The following TJP2 variants were observed in gnomAD, a reference collection of about 807,000 sequenced individuals.
The protein encoded by TJP2 is tight junction protein 2.
Under a neutral mutation model 133.1 loss-of-function variants are expected in TJP2, and 91 were observed. The ratio of observed to expected loss-of-function variants is 0.68; its 90% CI spans 0.58 to 0.81. The LOEUF (loss-of-function observed/expected upper bound fraction) is 0.81, where lower values mean the gene tolerates loss of function less well. TJP2 is among the 40% of genes least tolerant of loss of function. The pLI is 0.00. For synonymous variants in TJP2, 592 were observed against 583.4 expected (o/e 1.01, Z -0.21); for missense variants, 1,541 against 1,565.6 (o/e 0.98, Z 0.26).
At chr9:69,188,407 G>A (rs1156723156) in intron 1 of TJP2, among the ~76,000 whole-genome samples, 1 of 152,108 alleles carries the variant, frequency 6.6e-6, no homozygotes, top group Non-Finnish European at 1.5e-5. Context: ...ACAGGGAGGG[G>A]ATTTGAGCCA....
intron 2 of TJP2, among the ~76,000 whole-genome samples, chr9:69,163,719 C>T (rs1027113536): frequency 2.0e-5 from 3 of 152,096 alleles, no homozygotes; most frequent in Admixed American, 6.5e-5. Context: ...GCCATCCATC[C>T]ACCTCAGCCC....
chr9:69,207,648 G>T (rs995363718), intron 1 of TJP2, among the ~76,000 whole-genome samples: 1 of 152,220 alleles, frequency 6.6e-6, no homozygotes, highest in Non-Finnish European at 1.5e-5. Context: ...GGGCCTGCCT[G>T]TAAAGCTCCC....
At position 69,225,385 on chromosome 9, in the gene TJP2, A is replaced by C; in HGVS notation, c.1034A>C (p.His345Pro). 6.2e-7 allele frequency: 1 copy of C among 1,613,546 alleles called. No individual in the cohort carries two copies. The highest frequency in any genetic ancestry group is 8.5e-7 in the Non-Finnish European group (1 of 1,179,620). Reference sequence around the variant, plus strand: ...CTGGCAACTAAAGATGGCAACCTTCACGAAGGAGACATAATTCTCAAGGTG... The same window carrying C: ...CTGGCAACTAAAGATGGCAACCTTCCCGAAGGAGACATAATTCTCAAGGTG... ...TGLATKDGNL[H>P]EGDIILKING... is the part of the protein sequence containing the mutation. Residue 345 changes from histidine (H) to proline (P), a missense_variant, in exon 6 of 23, where the codon CAC becomes CCC. Transcript: ENST00000377245.
intron 4 of TJP2, among the ~76,000 whole-genome samples, chr9:69,219,518 A>G (rs1402460877): frequency 6.6e-6 from 1 of 152,180 alleles, no homozygotes; most frequent in Non-Finnish European, 1.5e-5. Flanking sequence ...ATTCATCTAT[A>G]TAATACTATT....
At chr9:69,155,291 A>G (rs946554639) in intron 2 of TJP2, among the ~76,000 whole-genome samples, 1 of 151,872 alleles carries the variant, frequency 6.6e-6, no homozygotes, top group African/African-American at 2.4e-5. Context: ...TGAAAGCTCG[A>G]AACTTTTACT....
In TJP2 at chr9:69,251,060, C is replaced by G. The variant is rs1831293578; in HGVS notation, c.3017C>G (p.Ser1006Cys). 1.2e-6 allele frequency: 2 copies of G among 1,614,060 alleles called. No homozygotes were observed. Among genetic ancestry groups the G allele is most frequent in the Admixed American group, 1.7e-5 (1 of 60,006 alleles). The change falls in exon 21 of 23, where the codon TCC (serine) becomes TGC (cysteine). Residue 1006 changes from serine to cysteine, a missense_variant. Transcript: ENST00000377245. ...GCCAAAACCCAGAACAAAGAAGAAT[C>G]CTATGACTTCTCCAAATCCTATGAA... ...PKAKTQNKEE[S>C]YDFSKSYEYK...
chr9:69,182,913 C>T (rs556024126), intron 1 of TJP2, among the ~76,000 whole-genome samples: 1 of 151,592 alleles, frequency 6.6e-6, no homozygotes, highest in East Asian at 1.9e-4. Context: ...CTCAGCCTCC[C>T]GAGTAGTTGG....
intron 16 of TJP2, among the ~76,000 whole-genome samples, chr9:69,239,367 A>G (rs1830430541): frequency 6.6e-6 from 1 of 152,192 alleles, no homozygotes; most frequent in Admixed American, 6.5e-5. Flanking sequence ...GAAACCAGTC[A>G]CTGTTACTGT....
intron 22 of TJP2, 21 bp downstream of exon 22, chr9:69,252,921 A>G (rs1190172913): frequency 3.1e-6 from 5 of 1,612,356 alleles, no homozygotes; most frequent in Non-Finnish European, 4.2e-6. Flanking sequence ...CCTAGTGGGT[A>G]CAGGTCTAAG....
chr9:69,188,267 G>T (rs1259761887), intron 1 of TJP2, among the ~76,000 whole-genome samples: 1 of 152,076 alleles, frequency 6.6e-6, no homozygotes, highest in Non-Finnish European at 1.5e-5. Context: ...TGATGTGGTG[G>T]TAGGCCCTTG....
rs374569266 is a variant in TJP2, at chr9:69,254,170, A to G, written c.3408-39A>G. 35 of 1,613,310 alleles carry G rather than the reference A, an allele frequency of 2.2e-5. No homozygotes were observed. The African/African-American group carries it at 3.2e-4, about 15-fold the overall frequency. On this transcript the variant is annotated intron_variant, in intron 22 of 22. Coordinates refer to ENST00000377245, the MANE Select transcript of TJP2 (RefSeq NM_004817.4). ...CTCCCCGGGCAGCCGGAGGACATGG[A>G]TGTGCTCTGGAATGTCTTTAACACC...
At chr9:69,149,110 C>G (rs12005295) in intron 1 of TJP2, among the ~76,000 whole-genome samples, 2,963 of 152,158 alleles carry the variant, frequency 0.019, 103 homozygotes, top group African/African-American at 0.067. Flanking sequence ...AATTTAGAGG[C>G]CCTATTCAAT....
intron 1 of TJP2, among the ~76,000 whole-genome samples, chr9:69,184,986 G>A (rs1825756798): frequency 6.6e-6 from 1 of 151,940 alleles, no homozygotes; most frequent in African/African-American, 2.4e-5. Context: ...CTGGGCTCAG[G>A]CGATCCTCCT....
intron 1 of TJP2, among the ~76,000 whole-genome samples, chr9:69,181,018 G>T (rs1825457422): frequency 6.6e-6 from 1 of 152,076 alleles, no homozygotes; most frequent in African/African-American, 2.4e-5. Flanking sequence ...AAGCTAGTAG[G>T]AATAAGAGAC....
At chr9:69,236,331 A>C in intron 13 of TJP2, 93 bp downstream of exon 13, 4 of 1,249,346 alleles carry the variant, frequency 3.2e-6, no homozygotes, top group Non-Finnish European at 4.6e-6. Flanking sequence ...AGGAAACCCC[A>C]CATGATGAGT....
At position 69,254,343 on chromosome 9, in the gene TJP2, A is replaced by C. The variant is rs1306304286; in HGVS notation, c.3542A>C (p.Gln1181Pro). 2.5e-6 allele frequency: 4 copies of C among 1,614,114 alleles called. No homozygotes were observed. The highest frequency in any genetic ancestry group is 3.4e-6 in the Non-Finnish European group (4 of 1,180,048). Residue 1181 changes from glutamine (Q) to proline (P), a missense_variant, in exon 23 of 23, where the codon CAG becomes CCG. Gln to Pro is a moderately conservative substitution (Grantham distance 76). Transcript: ENST00000377245. ...SEHSKRGYYGQSARYRDTEL is the reference protein window; with the variant it reads ...SEHSKRGYYGPSARYRDTEL ...CACTCCAAGCGCGGTTACTATGGCC[A>C]GTCTGCCCGATACCGGGACACAGAA...
At chr9:69,254,063 G>T in intron 22 of TJP2, 146 bp from the exon 23 acceptor site, 1 of 934,602 alleles carries the variant, frequency 1.1e-6, no homozygotes, top group Non-Finnish European at 1.7e-6. Flanking sequence ...CAGGACCAGG[G>T]ATGCCCTGGT....
intron 1 of TJP2, among the ~76,000 whole-genome samples, chr9:69,176,408 C>CAAAGCCAA: frequency 6.6e-6 from 1 of 152,226 alleles, no homozygotes; most frequent in Non-Finnish European, 1.5e-5. Flanking sequence ...TCTAAAGATA[C>CAAAGCCAA]AAGTAGGAGG....
In TJP2 at chr9:69,221,174, G is replaced by A. The variant is rs1004298993; in HGVS notation, c.630G>A (p.Ala210=). 11 of 1,596,822 alleles carry A rather than the reference G, an allele frequency of 6.9e-6. No individual in the cohort carries two copies. Among genetic ancestry groups the A allele is most frequent in the African/African-American group, 5.4e-5 (4 of 74,444 alleles). ...AGCGGGGCCTGGACCAAGACCATGC[G>A]CGCACCCGAGACCGCAGCCGTGGCC... ...SLERGLDQDH[A]RTRDRSRGRS... Residue 210 remains alanine (A), a synonymous_variant, in exon 5 of 23, where the codon GCG becomes GCA. Transcript: ENST00000377245.
Sources: gnomAD v4.1 joint callset for allele counts (sites outside exome capture counted in the v4.1 genomes callset) on GRCh38, gnomAD v4.1.1 for gene constraint, MANE v1.5 for transcripts, NCBI Gene and HGNC (gene_info 2026-07-23, HGNC 2026-07-21) for gene names.